MAGI1: variants seen among roughly 807,000 people sequenced by gnomAD.
MAGI1 encodes membrane-associated guanylate kinase, WW and PDZ domain-containing protein 1.
Under a neutral mutation model 139.9 loss-of-function variants are expected in MAGI1, and 58 were observed. That is an observed-to-expected ratio of 0.41 (90% CI 0.34 to 0.52). The LOEUF (loss-of-function observed/expected upper bound fraction) is 0.52, where lower values mean the gene tolerates loss of function less well. MAGI1 is among the 20% of genes least tolerant of loss of function. The pLI is 0.12. For missense variants in MAGI1, 1,874 were observed against 1,901.6 expected (o/e 0.99, Z 0.27); for synonymous variants, 812 against 737.9 (o/e 1.10, Z -1.63).
intron 1 of MAGI1, chr3:65,902,516 G>A (rs978642189): frequency 1.3e-5 from 2 of 152,666 alleles, no homozygotes; most frequent in African/African-American, 4.8e-5. Flanking sequence ...ATTCCTGCAG[G>A]AAGCACCCCT....
At chr3:65,768,311 T>A (rs556508965) in intron 1 of MAGI1, among the ~76,000 whole-genome samples, 17 of 152,146 alleles carry the variant, frequency 1.1e-4, no homozygotes, top group African/African-American at 4.1e-4. Context: ...TCCCAAATAC[T>A]CAGGGGGCTG....
At chr3:65,410,538 T>A (rs935776903) in intron 12 of MAGI1, among the ~76,000 whole-genome samples, 1 of 152,222 alleles carries the variant, frequency 6.6e-6, no homozygotes, top group Non-Finnish European at 1.5e-5. Flanking sequence ...CATTCATACA[T>A]ACCAAATGCA....
At chr3:65,808,176 G>T (rs951494278) in intron 1 of MAGI1, among the ~76,000 whole-genome samples, 3 of 151,944 alleles carry the variant, frequency 2.0e-5, no homozygotes, top group Non-Finnish European at 4.4e-5. Flanking sequence ...GTAGAGACAC[G>T]GTTTCTCCTT....
At chr3:65,554,536 G>T (rs2079997391) in intron 2 of MAGI1, among the ~76,000 whole-genome samples, 1 of 152,264 alleles carries the variant, frequency 6.6e-6, no homozygotes, top group East Asian at 1.9e-4. Flanking sequence ...TAATGAGTCA[G>T]CTAAGATTAC....
chr3:65,537,076 T>C (rs1289541750), intron 2 of MAGI1, among the ~76,000 whole-genome samples: 2 of 152,172 alleles, frequency 1.3e-5, no homozygotes, highest in Admixed American at 1.3e-4. Context: ...CACAGGCTCA[T>C]AAAACTCAAG....
At chr3:65,980,040 G>A (rs193133178) in intron 1 of MAGI1, among the ~76,000 whole-genome samples, 31 of 152,254 alleles carry the variant, frequency 2.0e-4, no homozygotes, top group Non-Finnish European at 1.6e-4. Flanking sequence ...CTGGGCAACC[G>A]ACACATCTGG....
At chr3:66,016,770 G>C (rs545782606) in intron 1 of MAGI1, among the ~76,000 whole-genome samples, 1 of 152,328 alleles carries the variant, frequency 6.6e-6, no homozygotes, top group Admixed American at 6.5e-5. Context: ...CAGATGAAGG[G>C]TGAGCAAAAT....
intron 1 of MAGI1, among the ~76,000 whole-genome samples, chr3:65,766,986 G>A (rs959467559): frequency 1.3e-4 from 20 of 152,140 alleles, no homozygotes; most frequent in East Asian, 5.8e-4. Context: ...ACAAACTACC[G>A]TCTTGGGCAG....
intron 1 of MAGI1, among the ~76,000 whole-genome samples, chr3:65,971,848 T>C (rs1221489314): frequency 6.6e-6 from 1 of 152,164 alleles, no homozygotes. Flanking sequence ...GATTTTTATT[T>C]TTCCTAAGGA....
chr3:65,950,088 AACAAAC>A (rs2063748870), intron 1 of MAGI1, among the ~76,000 whole-genome samples: 3 of 58,242 alleles, frequency 5.2e-5, no homozygotes, highest in African/African-American at 1.0e-4. Context: ...CAAAAAAAAA[AACAAAC>A]AAAAAAAAAA....
At chr3:65,922,210 T>C (rs902050917) in intron 1 of MAGI1, among the ~76,000 whole-genome samples, 3 of 152,102 alleles carry the variant, frequency 2.0e-5, no homozygotes, top group Non-Finnish European at 4.4e-5. Flanking sequence ...AGACTAGACC[T>C]AGATTCATGC....
intron 1 of MAGI1, among the ~76,000 whole-genome samples, chr3:65,830,578 G>A (rs264097): frequency 0.99 from 151,455 of 152,350 alleles, 75,295 homozygotes; most frequent in Middle Eastern, 1. Context: ...GCCAGATTCT[G>A]TATCAGACTC....
At chr3:65,574,191 CTTTTA>C (rs1021822918) in intron 2 of MAGI1, among the ~76,000 whole-genome samples, 1 of 150,878 alleles carries the variant, frequency 6.6e-6, no homozygotes, top group Non-Finnish European at 1.5e-5. Context: ...TATTTTTTAA[CTTTTA>C]TTTTAGGTTC....
At chr3:65,913,989 A>C (rs2061782842) in intron 1 of MAGI1, 1 of 152,194 alleles carries the variant, frequency 6.6e-6, no homozygotes, top group Non-Finnish European at 1.5e-5. Flanking sequence ...ACCATTAGAA[A>C]GGACAAAGGG....
intron 2 of MAGI1, among the ~76,000 whole-genome samples, chr3:65,608,944 T>C (rs1028700576): frequency 2.0e-5 from 3 of 152,140 alleles, no homozygotes; most frequent in African/African-American, 4.8e-5. Flanking sequence ...TCAAACTACA[T>C]GGATGAATCT....
At chr3:65,649,383 T>C (rs1030053730) in intron 1 of MAGI1, among the ~76,000 whole-genome samples, 21 of 152,066 alleles carry the variant, frequency 1.4e-4, no homozygotes, top group African/African-American at 5.1e-4. Context: ...CTCTAAAAAT[T>C]AAGCAAATAA....
chr3:65,761,100 T>C (rs576107418), intron 1 of MAGI1, among the ~76,000 whole-genome samples: 13 of 152,290 alleles, frequency 8.5e-5, no homozygotes, highest in African/African-American at 1.4e-4. Flanking sequence ...TTCCACAGGA[T>C]AGATGCAGCT....
chr3:65,376,036 T>C, intron 17 of MAGI1, 91 bp from the exon 18 acceptor site: 1 of 892,926 alleles, frequency 1.1e-6, no homozygotes, highest in Non-Finnish European at 1.7e-6. Context: ...AAGAGAAGGT[T>C]AAGTGTTAAT....
At chr3:66,035,932 ACAAGCCCATG>A (rs1236672387) in intron 1 of MAGI1, among the ~76,000 whole-genome samples, 5 of 152,200 alleles carry the variant, frequency 3.3e-5, no homozygotes, top group African/African-American at 1.2e-4. Context: ...AGGAAGAGAC[ACAAGCCCATG>A]CAGCATCTTG....
Sources: allele counts gnomAD v4.1 joint callset (sites outside exome capture counted in the v4.1 genomes callset), GRCh38; gene constraint gnomAD v4.1.1; transcripts MANE v1.5; gene names NCBI Gene and HGNC (gene_info 2026-07-23, HGNC 2026-07-21).